The following FRYL variants were observed in gnomAD, a reference collection of about 807,000 sequenced individuals.
The protein encoded by FRYL is FRY like transcription coactivator, also known as protein furry homolog-like.
Under a neutral mutation model 351.2 loss-of-function variants are expected in FRYL, and 150 were observed. That is an observed-to-expected ratio of 0.43 (90% CI 0.37 to 0.49). The LOEUF (loss-of-function observed/expected upper bound fraction) is 0.49, where lower values mean the gene tolerates loss of function less well. Ranked by LOEUF, FRYL falls within the 20% of genes least tolerant of loss-of-function variation. The pLI is 0.00. For missense variants in FRYL, 3,036 were observed against 3,619.3 expected (o/e 0.84, Z 4.13); for synonymous variants, 1,153 against 1,257.1 (o/e 0.92, Z 1.75).
At chr4:48,536,966 T>C (rs577848272) in intron 47 of FRYL, among the ~76,000 whole-genome samples, 42 of 152,308 alleles carry the variant, frequency 2.8e-4, no homozygotes, top group Non-Finnish European at 5.4e-4. Context: ...CAGTAGTACC[T>C]GGGAAGTTAT....
At chr4:48,559,846 A>G (rs13110719) in intron 33 of FRYL, among the ~76,000 whole-genome samples, 144,232 of 152,250 alleles carry the variant, frequency 0.95, 68,433 homozygotes, top group South Asian at 0.98. Context: ...ATTAAGTGAG[A>G]TCAGAGCTTA....
chr4:48,777,161 A>G (rs1776108783), intron 1 of FRYL, among the ~76,000 whole-genome samples: 1 of 152,258 alleles, frequency 6.6e-6, no homozygotes, highest in African/African-American at 2.4e-5. Context: ...TATACTCAAC[A>G]GATCTTATTG....
At chr4:48,505,821 CT>C in intron 59 of FRYL, 1 of 481,056 alleles carries the variant, frequency 2.1e-6, no homozygotes, top group East Asian at 3.2e-5. Context: ...GAGGCACACA[CT>C]TGTGACAGCT....
At chr4:48,570,775 T>A in intron 27 of FRYL, 52 bp downstream of exon 27, 1 of 1,312,020 alleles carries the variant, frequency 7.6e-7, no homozygotes, top group South Asian at 1.2e-5. Flanking sequence ...GAAAAGAGAT[T>A]ACGTTCTCTA....
At chr4:48,628,692 C>T (rs1395282410) in intron 4 of FRYL, among the ~76,000 whole-genome samples, 1 of 152,026 alleles carries the variant, frequency 6.6e-6, no homozygotes, top group Non-Finnish European at 1.5e-5. Context: ...AATGCCCCAA[C>T]ATAAACAAAA....
At chr4:48,539,228 TAG>T (rs1412599064) in intron 47 of FRYL, among the ~76,000 whole-genome samples, 1 of 151,604 alleles carries the variant, frequency 6.6e-6, no homozygotes, top group Non-Finnish European at 1.5e-5. Flanking sequence ...AAGAATGGAG[TAG>T]AGAGAGAAGA....
chr4:48,770,986 GTTTGT>G (rs1775455163), intron 1 of FRYL, among the ~76,000 whole-genome samples: 1 of 151,926 alleles, frequency 6.6e-6, no homozygotes, highest in Non-Finnish European at 1.5e-5. Context: ...TTCTTTTTTT[GTTTGT>G]TTTTTGTTAT....
In FRYL at chr4:48,579,199, A is replaced by C. The variant is rs772201481; in HGVS notation, c.2302T>G (p.Leu768Val). 1.2e-6 allele frequency: 2 copies of C among 1,613,642 alleles called. No homozygotes were observed. Among genetic ancestry groups the C allele is most frequent in the Admixed American group, 1.7e-5 (1 of 59,988 alleles). The stretch of plus-strand genomic sequence containing the variant: ...ATAGGAGAAGAGTTCCATTCTGCTA[A>C]AGTTTGTAAATCTATCGAGCTAGGG... ...YCPSSIDLQT[L>V]AEWNSSPISH... The change falls in exon 23 of 64, where the codon TTA (leucine) becomes GTA (valine). Residue 768 changes from leucine (L) to valine (V), a missense_variant. Around this residue, in one of 7 missense-constraint regions of FRYL, gnomAD observed 492 missense variants for 551.5 expected, o/e 0.89. Coordinates refer to ENST00000358350, the MANE Select transcript of FRYL (RefSeq NM_015030.2).
Position 48,501,706 on chromosome 4 carries a change from T to C in FRYL, c.8509A>G (p.Lys2837Glu). ...AGAAGCAGCAATTGAAAATGCAATT[T>C]GTATAATCTTCGGCAGAGCTCCAAT... ...AELELCRRLY[K>E]LHFQLLLLFQ... The change falls in exon 62 of 64, where the codon AAA becomes GAA. Residue 2837 changes from lysine (K) to glutamate (E), a missense_variant. Around this residue, in one of 7 missense-constraint regions of FRYL, gnomAD observed 1,987 missense variants for 2,311.7 expected, o/e 0.86. Transcript: ENST00000358350. The C allele has an allele frequency of 6.2e-7, 1 of 1,607,524 alleles. No individual in the cohort carries two copies. Among genetic ancestry groups the C allele is most frequent in the East Asian group, 2.2e-5 (1 of 44,700 alleles).
At chr4:48,671,665 C>T (rs814063) in intron 3 of FRYL, among the ~76,000 whole-genome samples, 11 of 150,866 alleles carry the variant, frequency 7.3e-5, no homozygotes, top group African/African-American at 1.5e-4. Flanking sequence ...AAAACTCCAT[C>T]TCAAAACAAA....
intron 47 of FRYL, among the ~76,000 whole-genome samples, chr4:48,538,394 A>G (rs1298559209): frequency 1.3e-5 from 2 of 152,212 alleles, no homozygotes; most frequent in African/African-American, 4.8e-5. Context: ...AGCATATTTT[A>G]TTAAATATTT....
At chr4:48,709,547 A>T (rs1382581118) in intron 2 of FRYL, among the ~76,000 whole-genome samples, 4 of 152,190 alleles carry the variant, frequency 2.6e-5, no homozygotes, top group Non-Finnish European at 5.9e-5. Context: ...ACAAAAATAG[A>T]TCTAAAGTAT....
intron 2 of FRYL, among the ~76,000 whole-genome samples, chr4:48,699,068 T>C (rs1766477303): frequency 6.6e-6 from 1 of 152,190 alleles, no homozygotes; most frequent in East Asian, 1.9e-4. Flanking sequence ...AATGTTCAAC[T>C]TTACAAATGT....
At chr4:48,676,399 A>G (rs1170095111) in intron 3 of FRYL, among the ~76,000 whole-genome samples, 13 of 152,120 alleles carry the variant, frequency 8.5e-5, no homozygotes, top group Admixed American at 4.6e-4. Flanking sequence ...CTCCAGACGC[A>G]CCATCTTAAG....
Position 48,578,999 on chromosome 4 carries a change from C to T in FRYL, c.2502G>A (p.Gln834=). Residue 834 remains glutamine, a synonymous_variant, in exon 23 of 64, where the codon CAG becomes CAA. Transcript: ENST00000358350. ...YAWMFAYTRL[Q]LLSPQVDINS... is the part of the protein sequence containing the mutation. Reference sequence around the variant, plus strand: ...TTATATCGACCTGAGGGGACAACAACTGAAGTCTTGTGTATGCAAACATCC... The same window carrying T: ...TTATATCGACCTGAGGGGACAACAATTGAAGTCTTGTGTATGCAAACATCC... 1 of 1,611,684 alleles carries T rather than the reference C, an allele frequency of 6.2e-7. No homozygotes were observed. The highest frequency in any genetic ancestry group is 2.2e-5 in the East Asian group (1 of 44,840).
chr4:48,743,971 T>A (rs1772400246), intron 1 of FRYL, among the ~76,000 whole-genome samples: 2 of 152,232 alleles, frequency 1.3e-5, no homozygotes, highest in South Asian at 4.1e-4. Context: ...CATATACATG[T>A]GTACATGTGT....
At chr4:48,689,609 G>A (rs991554992) in intron 2 of FRYL, among the ~76,000 whole-genome samples, 4 of 152,142 alleles carry the variant, frequency 2.6e-5, no homozygotes, top group Non-Finnish European at 5.9e-5. Context: ...TATTTATTAA[G>A]CAGAACTATC....
chr4:48,568,515 G>A (rs1214058654), intron 27 of FRYL, among the ~76,000 whole-genome samples: 1 of 151,882 alleles, frequency 6.6e-6, no homozygotes, highest in Non-Finnish European at 1.5e-5. Flanking sequence ...CATTTGTTTA[G>A]GTCAGCTTTT....
intron 33 of FRYL, among the ~76,000 whole-genome samples, chr4:48,559,269 A>C (rs1734836415): frequency 6.6e-6 from 1 of 151,972 alleles, no homozygotes; most frequent in Non-Finnish European, 1.5e-5. Flanking sequence ...AAGTAGTTGA[A>C]TGAAGAGATC....
Sources: gnomAD v4.1 joint callset for allele counts (sites outside exome capture counted in the v4.1 genomes callset) on GRCh38, gnomAD v4.1.1 for gene constraint, gnomAD v4.1.1 regional missense constraint, MANE v1.5 for transcripts, NCBI Gene and HGNC (gene_info 2026-07-23, HGNC 2026-07-21) for gene names.